The following ATP6V0E1 variants were observed in gnomAD, a reference collection of about 807,000 sequenced individuals.
ATP6V0E1 encodes the protein V-type proton ATPase subunit e 1.
ATP6V0E1 carries 4 observed loss-of-function variants against 11.6 expected under a neutral mutation model. The ratio of observed to expected loss-of-function variants is 0.35; its 90% CI spans 0.17 to 0.79. The LOEUF (loss-of-function observed/expected upper bound fraction) is 0.79. Ranked by LOEUF, ATP6V0E1 falls within the 30% of genes least tolerant of loss-of-function variation. The probability of loss-of-function intolerance (pLI) is 0.54; values close to 1 mark genes in which losing one functional copy is unlikely to be tolerated. For missense variants in ATP6V0E1, 105 were observed against 100.0 expected (o/e 1.05, Z -0.21); for synonymous variants, 36 against 34.8 (o/e 1.04, Z -0.13).
rs1756538033 is a variant in ATP6V0E1 at position 173,025,149 on chromosome 5, T to C, written c.*36+4782T>C. Reference sequence around the variant, plus strand: ...AGCCACTGTGCCTGGCATTCTTTTTTTTTTTTTTTTTTTTTAAAGACAGAG... The same window carrying C: ...AGCCACTGTGCCTGGCATTCTTTTTCTTTTTTTTTTTTTTTAAAGACAGAG... On this transcript the variant is annotated intron_variant, in intron 3 of 3. Coordinates refer to ENST00000519374, the MANE Select transcript of ATP6V0E1 (RefSeq NM_003945.4). Among the ~76,000 whole-genome samples the C allele has an allele frequency of 4.0e-5, 6 of 148,872 alleles. No homozygotes were observed. In the South Asian group the frequency reaches 1.1e-3, roughly 26 times the overall value.
At chr5:173,028,656 C>A (rs973768099) in intron 3 of ATP6V0E1, among the ~76,000 whole-genome samples, 1 of 152,206 alleles carries the variant, frequency 6.6e-6, no homozygotes, top group African/African-American at 2.4e-5. Flanking sequence ...TGATTTCTTT[C>A]CTGAATTGAA....
rs200376554 is a variant in ATP6V0E1 at position 173,000,069 on chromosome 5, G to A, written c.152+5247G>A. Among the ~76,000 whole-genome samples, 6 of 152,186 alleles carry A rather than the reference G, an allele frequency of 3.9e-5. No individual in the cohort carries two copies. In the East Asian group the frequency reaches 5.8e-4, roughly 15 times the overall value. On this transcript the variant is annotated intron_variant, in intron 2 of 3. Transcript: ENST00000519374. ...TTGAAAATGCCCCTTTTCAAGTAAGGCACACCCAAAGAGACTTTGGCTTTC... is the reference window on the plus strand; with the variant it reads ...TTGAAAATGCCCCTTTTCAAGTAAGACACACCCAAAGAGACTTTGGCTTTC...
chr5:173,003,759 A>G (rs748630279), intron 2 of ATP6V0E1, among the ~76,000 whole-genome samples: 4 of 152,220 alleles, frequency 2.6e-5, no homozygotes, highest in Non-Finnish European at 4.4e-5. Flanking sequence ...TTGGGACAGG[A>G]TGAATTTGAA....
At position 172,994,839 on chromosome 5, in the gene ATP6V0E1, T is replaced by C. The variant is rs199914104; in HGVS notation, c.152+17T>C. On this transcript the variant is annotated intron_variant, in intron 2 of 3. Coordinates refer to ENST00000519374, the MANE Select transcript of ATP6V0E1 (RefSeq NM_003945.4). ...CTATCTCTTGTAAGTAATTTTTTCT[T>C]AAGTAATTATTCTTGGTATTTGTAG... The C allele has an allele frequency of 1.0e-4, 164 of 1,585,826 alleles. No individual in the cohort carries two copies. The highest frequency in any genetic ancestry group is 1.2e-4 in the Admixed American group (7 of 58,106).
intron 2 of ATP6V0E1, among the ~76,000 whole-genome samples, chr5:173,014,673 A>G (rs191131961): frequency 6.6e-6 from 1 of 152,286 alleles, no homozygotes; most frequent in African/African-American, 2.4e-5. Context: ...AAAAAATTTG[A>G]TGTCAAAGAC....
rs144127437 is a variant in ATP6V0E1, at chr5:173,007,119, G to A, written c.152+12297G>A. Among the ~76,000 whole-genome samples the A allele has an allele frequency of 8.9e-4, 135 of 152,238 alleles. 1 individual carries two copies. The highest frequency in any genetic ancestry group is 3.1e-3 in the African/African-American group (128 of 41,558). ...TGAAATAGCCATAGGTTGGCATTAA[G>A]TTAATGGAAAACATGTTTATGACTT... On this transcript the variant is annotated intron_variant, in intron 2 of 3. Transcript: ENST00000519374.
intron 2 of ATP6V0E1, among the ~76,000 whole-genome samples, chr5:173,011,175 CTTTTTTTTT>C (rs754605378): frequency 5.6e-4 from 64 of 114,706 alleles, no homozygotes; most frequent in Middle Eastern, 4.5e-3. Flanking sequence ...CCTGATTTAT[CTTTTTTTTT>C]TTTTTTTTTT....
chr5:173,021,452 C>G (rs1385098475), intron 3 of ATP6V0E1, among the ~76,000 whole-genome samples: 1 of 152,064 alleles, frequency 6.6e-6, no homozygotes, highest in Non-Finnish European at 1.5e-5. Flanking sequence ...CTTATAAAAC[C>G]ATCAGATCTC....
chr5:173,000,647 G>C (rs2431214), intron 2 of ATP6V0E1, among the ~76,000 whole-genome samples: 1 of 151,690 alleles, frequency 6.6e-6, no homozygotes, highest in Non-Finnish European at 1.5e-5. Flanking sequence ...GTAAGATGCT[G>C]TGTGTGAAAA....
chr5:173,030,767 G>C (rs1157290294), intron 3 of ATP6V0E1, among the ~76,000 whole-genome samples: 1 of 151,586 alleles, frequency 6.6e-6, no homozygotes, highest in Non-Finnish European at 1.5e-5. Context: ...TTGTTTGTTT[G>C]AGATGGAATC....
rs777296816 is a variant in ATP6V0E1, at chr5:173,008,724, G to A, written c.153-11514G>A. On this transcript the variant is annotated intron_variant, in intron 2 of 3. Transcript: ENST00000519374. ...GGAGATCGAGACCATCCTGGCTAAT[G>A]CGGTGAAACCCCATCTCTACTAAAA... 3.1e-3 allele frequency among the ~76,000 whole-genome samples: 457 copies of A among 148,746 alleles called. 2 individuals are homozygous for A. The highest frequency in any genetic ancestry group is 0.01 in the Middle Eastern group (3 of 286).
intron 2 of ATP6V0E1, among the ~76,000 whole-genome samples, chr5:173,008,278 GT>G (rs1756259424): frequency 6.7e-6 from 1 of 149,794 alleles, no homozygotes; most frequent in African/African-American, 2.5e-5. Context: ...GGAGAGTCCT[GT>G]TCCTTTTTTT....
intron 2 of ATP6V0E1, among the ~76,000 whole-genome samples, chr5:172,996,911 C>T (rs1049946848): frequency 6.7e-6 from 1 of 150,042 alleles, no homozygotes; most frequent in Non-Finnish European, 1.5e-5. Context: ...GAAGGCACAA[C>T]AATTTTGCTC....
At chr5:173,027,206 A>T (rs1234049062) in intron 3 of ATP6V0E1, among the ~76,000 whole-genome samples, 1 of 83,394 alleles carries the variant, frequency 1.2e-5, no homozygotes, top group African/African-American at 4.9e-5. Context: ...AAAAAAAAAT[A>T]GCCGGGCACG....
chr5:173,016,282 C>T (rs1380026954), intron 2 of ATP6V0E1, among the ~76,000 whole-genome samples: 2 of 152,152 alleles, frequency 1.3e-5, no homozygotes, highest in South Asian at 2.1e-4. Flanking sequence ...TTGGAGGACA[C>T]CCAGCTGGAG....
intron 2 of ATP6V0E1, among the ~76,000 whole-genome samples, chr5:173,002,085 A>G (rs1756165260): frequency 6.6e-6 from 1 of 152,186 alleles, no homozygotes; most frequent in Admixed American, 6.6e-5. Flanking sequence ...TGATCAACTC[A>G]TGGCCAATCG....
intron 1 of ATP6V0E1, chr5:172,986,639 CA>C (rs1315247177): frequency 2.4e-6 from 1 of 418,504 alleles, no homozygotes; most frequent in Non-Finnish European, 4.7e-6. Context: ...AAAAATGAAA[CA>C]AGTCCAGTGT....
At chr5:173,006,056 A>G (rs574067322) in intron 2 of ATP6V0E1, among the ~76,000 whole-genome samples, 205 of 152,214 alleles carry the variant, frequency 1.3e-3, no homozygotes, top group Middle Eastern at 3.4e-3. Flanking sequence ...AAAAGAATCT[A>G]TATTCTGAAG....
chr5:173,024,023 C>G (rs1756520267), intron 3 of ATP6V0E1, among the ~76,000 whole-genome samples: 2 of 151,658 alleles, frequency 1.3e-5, no homozygotes, highest in Admixed American at 6.6e-5. Flanking sequence ...GGTGAAACCC[C>G]TTCTCTGCTA....
Sources: allele counts gnomAD v4.1 joint callset (sites outside exome capture counted in the v4.1 genomes callset), GRCh38; gene constraint gnomAD v4.1.1; transcripts MANE v1.5; gene names NCBI Gene and HGNC (gene_info 2026-07-23, HGNC 2026-07-21).